SGK1: variants seen among roughly 807,000 people sequenced by gnomAD.
The protein encoded by SGK1 is serine/threonine-protein kinase Sgk1.
In SGK1, 26 loss-of-function variants were observed where a neutral mutation model predicts 64.2. That is an observed-to-expected ratio of 0.40 (90% CI 0.30 to 0.56). The LOEUF (loss-of-function observed/expected upper bound fraction) is 0.56, where lower values mean the gene tolerates loss of function less well. SGK1 is among the 20% of genes least tolerant of loss of function. The pLI, the probability that SGK1 is intolerant of heterozygous loss-of-function variation, is 0.38. For synonymous variants in SGK1, 265 were observed against 239.7 expected, an observed-to-expected ratio of 1.11 and a Z score of -0.98; for missense variants, 519 against 645.6, an observed-to-expected ratio of 0.80 and a Z score of 2.12.
chr6:134,206,996 C>T lies in SGK1; in HGVS notation c.361+360G>A, dbSNP rs530478995. Among the ~76,000 whole-genome samples the T allele has an allele frequency of 4.6e-5, 7 of 151,902 alleles. No individual in the cohort carries two copies. The South Asian group carries it at 6.2e-4, about 14-fold the overall frequency. On this transcript the variant is annotated intron_variant, in intron 3 of 13. Coordinates refer to ENST00000367858, the MANE Select transcript of SGK1 (RefSeq NM_001143676.3). ...ATCCCAGCACTTTGGGAGGCCGAGG[C>T]GGGCGAATCACAAGGTCAGGAGATC...
At chr6:134,297,035 C>T (rs544299851) in intron 1 of SGK1, 470 of 443,794 alleles carry the variant, frequency 1.1e-3, no homozygotes, top group Non-Finnish European at 1.8e-3. Context: ...ACACCAGCTT[C>T]CCATTGCGGG....
intron 1 of SGK1, among the ~76,000 whole-genome samples, chr6:134,282,108 C>A (rs1320110385): frequency 1.3e-5 from 2 of 152,000 alleles, no homozygotes; most frequent in African/African-American, 2.4e-5. Context: ...GAGGTGATAC[C>A]CTGACCTCTG....
intron 1 of SGK1, among the ~76,000 whole-genome samples, chr6:134,265,578 C>CATATACATATATAT (rs1776840185): frequency 6.9e-6 from 1 of 144,010 alleles, no homozygotes; most frequent in African/African-American, 2.6e-5. Context: ...TATATTTATA[C>CATATACATATATAT]ATATACATAT....
Position 134,262,027 on chromosome 6 carries a change from A to T in SGK1, c.191T>A (p.Leu64Ter). 6.2e-7 allele frequency: 1 copy of T among 1,613,974 alleles called. No homozygotes were observed. The highest frequency in any genetic ancestry group is 8.5e-7 in the Non-Finnish European group (1 of 1,179,844). Residue 64 changes from leucine to a stop codon, truncating the protein, a stop_gained, in exon 2 of 14, where the codon TTG (leucine) becomes TAG (stop). Transcript: ENST00000367858. LOFTEE classifies it high-confidence loss of function. The part of the protein sequence containing the change: ...PPGEPDFESS[L>*]CQTCLGEHAF... Reference sequence around the variant, plus strand: ...ATGTTCACCCAGGCATGTTTGACACAAGGAAGACTCGAAGTCTGGCTCCCC... The same window carrying T: ...ATGTTCACCCAGGCATGTTTGACACTAGGAAGACTCGAAGTCTGGCTCCCC...
intron 3 of SGK1, among the ~76,000 whole-genome samples, chr6:134,193,699 G>A (rs980059975): frequency 2.8e-5 from 4 of 145,166 alleles, no homozygotes; most frequent in African/African-American, 7.7e-5. Context: ...TGGCTGGAGC[G>A]ATTAATAGCT....
At chr6:134,232,632 A>G (rs531481400) in intron 2 of SGK1, among the ~76,000 whole-genome samples, 50 of 152,020 alleles carry the variant, frequency 3.3e-4, no homozygotes, top group Middle Eastern at 3.4e-3. Context: ...GGGCAGATCA[A>G]TTGAGTCCAG....
chr6:134,299,528 T>C (rs1007067990), intron 1 of SGK1, among the ~76,000 whole-genome samples: 4 of 152,134 alleles, frequency 2.6e-5, no homozygotes, highest in African/African-American at 9.7e-5. Flanking sequence ...TGGGGAGTTA[T>C]GCCAAGAAGT....
chr6:134,306,494 G>C (rs1034694805), intron 1 of SGK1, among the ~76,000 whole-genome samples: 3 of 152,034 alleles, frequency 2.0e-5, no homozygotes, highest in African/African-American at 7.3e-5. Flanking sequence ...AGTTTCTGGG[G>C]AAGGGAGTTG....
At chr6:134,205,254 C>T (rs1775751527) in intron 3 of SGK1, among the ~76,000 whole-genome samples, 1 of 152,148 alleles carries the variant, frequency 6.6e-6, no homozygotes, top group Non-Finnish European at 1.5e-5. Context: ...TATTAGCCAG[C>T]AGATGGCTTG....
chr6:134,224,538 T>C (rs1416233494), intron 2 of SGK1, among the ~76,000 whole-genome samples: 1 of 152,198 alleles, frequency 6.6e-6, no homozygotes, highest in African/African-American at 2.4e-5. Context: ...CATTTCCATG[T>C]GTTTTCTCTA....
At chr6:134,303,975 C>T (rs886784944) in intron 1 of SGK1, among the ~76,000 whole-genome samples, 4 of 152,126 alleles carry the variant, frequency 2.6e-5, no homozygotes, top group African/African-American at 9.7e-5. Flanking sequence ...ACCCAGGACT[C>T]GGCCTTATGA....
chr6:134,212,046 T>A (rs1004341211), intron 2 of SGK1, among the ~76,000 whole-genome samples: 5 of 75,402 alleles, frequency 6.6e-5, no homozygotes, highest in African/African-American at 2.4e-4. Context: ...TGTTTTTTTG[T>A]TTTTTGTTTT....
chr6:134,201,531 T>G (rs758376475), intron 3 of SGK1, among the ~76,000 whole-genome samples: 7 of 151,946 alleles, frequency 4.6e-5, no homozygotes, highest in Non-Finnish European at 8.8e-5. Flanking sequence ...CTAGCTAATT[T>G]TTGTATTTTT....
intron 1 of SGK1, among the ~76,000 whole-genome samples, chr6:134,284,763 C>A (rs1012799390): frequency 6.6e-6 from 1 of 152,164 alleles, no homozygotes; most frequent in African/African-American, 2.4e-5. Context: ...AGATTACAGG[C>A]ATGAGCCACC....
chr6:134,265,025 A>G (rs1776829245), intron 1 of SGK1, among the ~76,000 whole-genome samples: 1 of 152,264 alleles, frequency 6.6e-6, no homozygotes, highest in Non-Finnish European at 1.5e-5. Context: ...TTATTATATT[A>G]CTTGATAGAA....
intron 3 of SGK1, among the ~76,000 whole-genome samples, chr6:134,199,668 A>AT (rs1366286968): frequency 1.5e-4 from 22 of 151,490 alleles, no homozygotes; most frequent in African/African-American, 5.3e-4. Flanking sequence ...ATGTAGAAAA[A>AT]AATATATATA....
At chr6:134,270,142 A>G (rs957299797) in intron 1 of SGK1, among the ~76,000 whole-genome samples, 2 of 147,830 alleles carry the variant, frequency 1.4e-5, no homozygotes, top group Non-Finnish European at 3.0e-5. Flanking sequence ...GCTGATCTCG[A>G]ACTCCTGACC....
At chr6:134,239,209 C>T (rs1337191792) in intron 2 of SGK1, among the ~76,000 whole-genome samples, 2 of 152,106 alleles carry the variant, frequency 1.3e-5, no homozygotes, top group Non-Finnish European at 2.9e-5. Flanking sequence ...ACAAAGTGTC[C>T]CACCCAACAG....
At chr6:134,295,880 C>A (rs1392549578) in intron 1 of SGK1, among the ~76,000 whole-genome samples, 1 of 152,126 alleles carries the variant, frequency 6.6e-6, no homozygotes, top group Non-Finnish European at 1.5e-5. Context: ...TCAGTAAGGA[C>A]ATGGGAGTGG....
Sources: gnomAD v4.1 joint callset for allele counts (sites outside exome capture counted in the v4.1 genomes callset) on GRCh38, gnomAD v4.1.1 for gene constraint, MANE v1.5 for transcripts, NCBI Gene and HGNC (gene_info 2026-07-23, HGNC 2026-07-21) for gene names.